The following MCF2L variants were observed in gnomAD, a reference collection of about 807,000 sequenced individuals.
MCF2L encodes guanine nucleotide exchange factor DBS.
In MCF2L, 97 loss-of-function variants were observed where a neutral mutation model predicts 153.4. The observed-to-expected ratio is 0.63, with a 90% CI of 0.54 to 0.75. The LOEUF is 0.75. Ranked by LOEUF, MCF2L falls within the 30% of genes least tolerant of loss-of-function variation. MCF2L has a pLI of 0.00. For missense variants in MCF2L, 1,347 were observed against 1,495.2 expected (o/e 0.90, Z 1.64); for synonymous variants, 659 against 632.2 (o/e 1.04, Z -0.64).
At chr13:112,926,011 G>C (rs1172269850) in intron 2 of MCF2L, among the ~76,000 whole-genome samples, 1 of 152,152 alleles carries the variant, frequency 6.6e-6, no homozygotes, top group Non-Finnish European at 1.5e-5. Flanking sequence ...AAAAAATCTA[G>C]AGATATCAAC....
At chr13:113,037,940 C>A (rs984277818) in intron 3 of MCF2L, among the ~76,000 whole-genome samples, 19 of 152,176 alleles carry the variant, frequency 1.2e-4, no homozygotes, top group Non-Finnish European at 2.2e-4. Context: ...AATTAAGTAA[C>A]AGTCAGACTC....
At chr13:112,899,792 C>T (rs1478640252) in intron 1 of MCF2L, among the ~76,000 whole-genome samples, 2 of 152,244 alleles carry the variant, frequency 1.3e-5, no homozygotes, top group African/African-American at 4.8e-5. Context: ...TCCCTTCCTC[C>T]ACCATGTCAG....
In MCF2L at chr13:113,088,406, G is replaced by C. The variant is rs748134938; in HGVS notation, c.2767+1G>C. 3 of 1,613,892 alleles carry C rather than the reference G, an allele frequency of 1.9e-6. No individual in the cohort carries two copies. Among genetic ancestry groups the C allele is most frequent in the Non-Finnish European group, 2.5e-6 (3 of 1,179,980 alleles). ...ACCAGCCAGCTGCAGGCTTGTAGAG[G>C]TGAGGCTGTCTTCAAGCGATCGTTT... is the stretch of plus-strand genomic sequence containing the variant. On this transcript the variant is annotated splice_donor_variant, in intron 24 of 29. Transcript: ENST00000535094. LOFTEE classifies it high-confidence loss of function.
At chr13:112,981,921 C>T (rs1475706187) in intron 1 of MCF2L, among the ~76,000 whole-genome samples, 3 of 152,188 alleles carry the variant, frequency 2.0e-5, no homozygotes, top group Non-Finnish European at 4.4e-5. Flanking sequence ...TGTGCGTCTC[C>T]GATTGGAAGG....
intron 2 of MCF2L, among the ~76,000 whole-genome samples, chr13:112,944,521 G>A (rs138479989): frequency 9.3e-4 from 140 of 151,232 alleles, no homozygotes; most frequent in African/African-American, 3.2e-3. Flanking sequence ...CCAGTGCTAA[G>A]CCGCAGAAGA....
At chr13:112,933,627 A>G (rs2081485705) in intron 2 of MCF2L, among the ~76,000 whole-genome samples, 1 of 152,244 alleles carries the variant, frequency 6.6e-6, no homozygotes, top group Non-Finnish European at 1.5e-5. Flanking sequence ...TTCAGCACAA[A>G]TATTTCTAGT....
chr13:113,054,185 G>A lies in MCF2L; in HGVS notation c.370-6408G>A, dbSNP rs2087567976. 2 of 167,290 alleles carry A rather than the reference G, an allele frequency of 1.2e-5. No homozygotes were observed. The highest frequency in any genetic ancestry group is 4.8e-5 in the African/African-American group (2 of 41,432). The allele number at this position is 167,290 out of a possible 1,614,324, so 10.4% of individuals were successfully genotyped here. ...ATTCGAGTCCAATCTCAGGATCCTG[G>A]ATGCACGCCTGTTCTCCAGGTCTGC... On this transcript the variant is annotated intron_variant, in intron 4 of 29. Transcript: ENST00000535094. The surrounding 1 kb of genome is among the most constrained non-coding windows in gnomAD (Gnocchi z 5.2).
At chr13:113,086,714 T>C (rs1056539073) in intron 21 of MCF2L, among the ~76,000 whole-genome samples, 9 of 152,124 alleles carry the variant, frequency 5.9e-5, no homozygotes, top group Admixed American at 1.3e-4. Flanking sequence ...TTGTCCGTCT[T>C]TATGTCCACC....
chr13:113,093,949 G>A (rs998998202), intron 26 of MCF2L: 2 of 152,348 alleles, frequency 1.3e-5, no homozygotes, highest in African/African-American at 4.8e-5. Context: ...GCCGATGGGA[G>A]CCCATCTCCA....
At position 113,060,690 on chromosome 13, in the gene MCF2L, A is replaced by C; in HGVS notation, c.467A>C (p.Asp156Ala). Residue 156 changes from aspartate to alanine, a missense_variant, in exon 5 of 30, where the codon GAT (aspartate) becomes GCT (alanine). Physicochemically the swap from Asp to Ala is moderately radical, Grantham distance 126 (BLOSUM62 -2). Coordinates refer to ENST00000535094, the MANE Select transcript of MCF2L (RefSeq NM_001112732.3). Reference protein sequence around the residue: ...LSDIAFKFNRDDFKMKVPVIM... With the variant: ...LSDIAFKFNRADFKMKVPVIM... ...GACATCGCTTTCAAATTCAATAGAG[A>C]TGACTTTAAGATGAAGGTGCCGGTA... The C allele has an allele frequency of 6.2e-7, 1 of 1,613,432 alleles. No homozygotes were observed. The highest frequency in any genetic ancestry group is 8.5e-7 in the Non-Finnish European group (1 of 1,179,920).
At chr13:112,968,150 G>GC (rs993177303), upstream of MCF2L, among the ~76,000 whole-genome samples, 9 of 144,798 alleles carry the variant, frequency 6.2e-5, no homozygotes, top group African/African-American at 2.0e-4. Context: ...GGTGGGGGGG[G>GC]GGGTCTTGCT....
chr13:112,940,007 T>A (rs2081559253), intron 2 of MCF2L, among the ~76,000 whole-genome samples: 1 of 149,926 alleles, frequency 6.7e-6, no homozygotes, highest in Admixed American at 6.7e-5. Context: ...CAGAGCGGGC[T>A]TACAGGGGAT....
At chr13:113,084,119 T>C (rs759153181) in intron 18 of MCF2L, 52 bp downstream of exon 18, 18 of 1,395,058 alleles carry the variant, frequency 1.3e-5, no homozygotes, top group Non-Finnish European at 1.7e-5. Flanking sequence ...AAGTACTGAA[T>C]AATGACTTCA....
Position 113,096,995 on chromosome 13 carries a change from AC to A in MCF2L, c.*140del. The A allele has an allele frequency of 1.9e-6, 1 of 524,652 alleles. No homozygotes were observed. The highest frequency in any genetic ancestry group is 2.9e-6 in the Non-Finnish European group (1 of 339,276). The allele number at this position is 524,652 out of a possible 1,614,324, so 32.5% of individuals were successfully genotyped here. On this transcript the variant is annotated 3_prime_UTR_variant, in exon 30 of 30. Coordinates refer to ENST00000535094, the MANE Select transcript of MCF2L (RefSeq NM_001112732.3). ...CGCCTGGCCGTGCGGGCTGCAGAGGACCCCTCCGGGGCAGAGGCAGGTTCCA... is the reference window on the plus strand; with the variant it reads ...CGCCTGGCCGTGCGGGCTGCAGAGGACCCTCCGGGGCAGAGGCAGGTTCCA...
At chr13:112,982,395 G>A (rs1353571121) in intron 1 of MCF2L, among the ~76,000 whole-genome samples, 8 of 152,212 alleles carry the variant, frequency 5.3e-5, no homozygotes, top group Non-Finnish European at 1.2e-4. Flanking sequence ...CCTGCGGACT[G>A]CAGGAAGCCA....
At position 113,070,129 on chromosome 13, in the gene MCF2L, G is replaced by C; in HGVS notation, c.952G>C (p.Glu318Gln). The change falls in exon 9 of 30, where the codon GAG becomes CAG. Residue 318 changes from glutamate to glutamine, a missense_variant. Glu to Gln is a conservative substitution (Grantham distance 29, BLOSUM62 2). Transcript: ENST00000535094. This position sits in a 1 kb window ranked among gnomAD's most constrained non-coding sequence, Gnocchi z 5.6. ...EFWAKHQQKLEQCLQLRHFEQ... is the reference protein window; with the variant it reads ...EFWAKHQQKLQQCLQLRHFEQ... ...CTGGGCAAAGCATCAGCAGAAACTG[G>C]AGCAGTGTCTGCAGCTCCGGCACTT... 1 of 1,608,602 alleles carries C rather than the reference G, an allele frequency of 6.2e-7. No homozygotes were observed.
At chr13:112,908,716 T>G (rs1594306227) in intron 2 of MCF2L, among the ~76,000 whole-genome samples, 1 of 103,352 alleles carries the variant, frequency 9.7e-6, no homozygotes, top group Non-Finnish European at 1.9e-5. Context: ...AGGCTCATGT[T>G]TTTTGTTTTG....
intron 1 of MCF2L, among the ~76,000 whole-genome samples, chr13:112,970,739 T>G (rs1325063447): frequency 6.6e-6 from 1 of 152,044 alleles, no homozygotes; most frequent in African/African-American, 2.4e-5. Context: ...CCCCAGGTTT[T>G]TAGGGATTGG....
chr13:113,007,661 CTG>C (rs1379145212), intron 1 of MCF2L, among the ~76,000 whole-genome samples: 1 of 152,226 alleles, frequency 6.6e-6, no homozygotes, highest in Non-Finnish European at 1.5e-5. Flanking sequence ...AAAGCAGAAA[CTG>C]TGCAAACGCG....
Sources: gnomAD v4.1 joint callset for allele counts (sites outside exome capture counted in the v4.1 genomes callset) on GRCh38, gnomAD v4.1.1 for gene constraint, Gnocchi (gnomAD v3.1) non-coding constraint, MANE v1.5 for transcripts, NCBI Gene and HGNC (gene_info 2026-07-23, HGNC 2026-07-21) for gene names.